The following PIK3C2G variants were observed in gnomAD, a reference collection of about 807,000 sequenced individuals.
PIK3C2G encodes phosphatidylinositol-4-phosphate 3-kinase catalytic subunit type 2 gamma.
A neutral mutation model predicts 181.1 loss-of-function variants in PIK3C2G; 168 were observed. That is an observed-to-expected ratio of 0.93 (90% CI 0.82 to 1.05). PIK3C2G has a LOEUF of 1.05. Among genes scored for constraint, PIK3C2G ranks in the 50% least tolerant of loss-of-function variants. The probability of loss-of-function intolerance (pLI) is 0.00; values close to 1 mark genes in which losing one functional copy is unlikely to be tolerated. For synonymous variants in PIK3C2G, 573 were observed against 592.2 expected (o/e 0.97, Z 0.47); for missense variants, 1,869 against 1,732.8 (o/e 1.08, Z -1.40).
At chr12:18,687,638 T>G in the PIK3C2G span, among the ~76,000 whole-genome samples, 1 of 152,150 alleles carries the variant, frequency 6.6e-6, no homozygotes, top group African/African-American at 2.4e-5. Flanking sequence ...TCAGTAGGCT[T>G]CTATGGCATC....
In PIK3C2G at chr12:18,538,208, G is replaced by A. The variant is rs1313661423; in HGVS notation, c.3376G>A (p.Gly1126Ser). The A allele has an allele frequency of 6.2e-7, 1 of 1,612,032 alleles. No homozygotes were observed. ...AGAGATGGAATACTTTATTACAGAG[G>A]GTGGGAAAAACCCACAGCATTTTCA... is the stretch of plus-strand genomic sequence containing the variant. ...TSEMEYFITE[G>S]GKNPQHFQDF... Residue 1126 changes from glycine (G) to serine (S), a missense_variant, in exon 25 of 33, where the codon GGT becomes AGT. Physicochemically the swap from Gly to Ser is moderately conservative, Grantham distance 56. Transcript: ENST00000538779.
the PIK3C2G span, among the ~76,000 whole-genome samples, chr12:18,695,785 A>C: frequency 6.6e-6 from 1 of 152,164 alleles, no homozygotes; most frequent in Non-Finnish European, 1.5e-5. Context: ...AAGCTCATGT[A>C]AAGTATAAAT....
chr12:18,246,457 A>G (rs1268022181), upstream of PIK3C2G, among the ~76,000 whole-genome samples: 1 of 152,118 alleles, frequency 6.6e-6, no homozygotes, highest in Non-Finnish European at 1.5e-5. Flanking sequence ...TTTAAAAGGT[A>G]GAAAGCACAA....
chr12:18,716,944 CA>C, the PIK3C2G span, among the ~76,000 whole-genome samples: 1 of 151,944 alleles, frequency 6.6e-6, no homozygotes, highest in Non-Finnish European at 1.5e-5. Context: ...TCGAGATACA[CA>C]ATGGTTATAT....
intron 32 of PIK3C2G, among the ~76,000 whole-genome samples, chr12:18,642,442 T>C (rs1355485161): frequency 3.3e-5 from 5 of 152,174 alleles, no homozygotes; most frequent in Non-Finnish European, 7.3e-5. Context: ...TATACTCTTT[T>C]TGTTATCCCA....
chr12:18,684,064 G>A, the PIK3C2G span: 2 of 1,541,294 alleles, frequency 1.3e-6, no homozygotes. Context: ...ATGTCAAAAT[G>A]TGTCTTTGAT....
At chr12:18,546,217 C>CA in intron 25 of PIK3C2G, 106 bp from the exon 26 acceptor site, 3 of 672,390 alleles carry the variant, frequency 4.5e-6, no homozygotes, top group Non-Finnish European at 7.9e-6. Context: ...CATTGCCATG[C>CA]AAACTTGGGT....
At chr12:18,384,169 A>G (rs1009729008) in intron 14 of PIK3C2G, among the ~76,000 whole-genome samples, 3 of 152,046 alleles carry the variant, frequency 2.0e-5, no homozygotes, top group Non-Finnish European at 2.9e-5. Flanking sequence ...TAAGGATCAT[A>G]GGGCCAAAAA....
intron 11 of PIK3C2G, among the ~76,000 whole-genome samples, chr12:18,349,343 T>C (rs1197922033): frequency 6.6e-6 from 1 of 152,162 alleles, no homozygotes; most frequent in Non-Finnish European, 1.5e-5. Flanking sequence ...GACAACTTTC[T>C]AGATGGCTTT....
intron 1 of PIK3C2G, among the ~76,000 whole-genome samples, chr12:18,254,582 C>T (rs1014090158): frequency 3.3e-5 from 5 of 151,950 alleles, no homozygotes; most frequent in Admixed American, 2.0e-4. Context: ...TGGTAGCTCA[C>T]ACCTGTAATC....
the PIK3C2G span, among the ~76,000 whole-genome samples, chr12:18,686,959 A>G: frequency 3.9e-5 from 6 of 152,070 alleles, no homozygotes; most frequent in African/African-American, 1.4e-4. Context: ...CATTGAATAA[A>G]TTAAGTTTCT....
At chr12:18,259,325 A>C (rs1322542639), upstream of PIK3C2G, among the ~76,000 whole-genome samples, 1 of 152,140 alleles carries the variant, frequency 6.6e-6, no homozygotes, top group African/African-American at 2.4e-5. Context: ...GCATGTATGA[A>C]ATATGCAGGT....
intron 13 of PIK3C2G, among the ~76,000 whole-genome samples, chr12:18,380,191 G>T (rs139761766): frequency 6.6e-6 from 1 of 152,220 alleles, no homozygotes; most frequent in East Asian, 1.9e-4. Context: ...GCCTATGTCC[G>T]CCGTGCTTAC....
At chr12:18,541,295 T>C (rs1454450391) in intron 25 of PIK3C2G, among the ~76,000 whole-genome samples, 1 of 151,902 alleles carries the variant, frequency 6.6e-6, no homozygotes, top group Non-Finnish European at 1.5e-5. Context: ...TTGCTTTTTA[T>C]TTACTCCTGA....
chr12:18,691,619 TAG>T, the PIK3C2G span, among the ~76,000 whole-genome samples: 1 of 152,128 alleles, frequency 6.6e-6, no homozygotes, highest in Admixed American at 6.6e-5. Flanking sequence ...GCAATGTGTG[TAG>T]AAATGGAAGG....
intron 24 of PIK3C2G, among the ~76,000 whole-genome samples, chr12:18,510,157 G>A (rs1000791131): frequency 1.3e-5 from 2 of 152,128 alleles, no homozygotes; most frequent in Admixed American, 6.5e-5. Context: ...GTTTTGTAGA[G>A]ATAGGGTCTC....
At chr12:18,615,544 C>T (rs1018617811) in intron 31 of PIK3C2G, among the ~76,000 whole-genome samples, 1 of 151,804 alleles carries the variant, frequency 6.6e-6, no homozygotes, top group Non-Finnish European at 1.5e-5. Flanking sequence ...CATACATGTG[C>T]AAGTGTCTTT....
At chr12:18,490,247 C>T (rs1030965481) in intron 19 of PIK3C2G, among the ~76,000 whole-genome samples, 4 of 152,262 alleles carry the variant, frequency 2.6e-5, no homozygotes, top group Non-Finnish European at 1.5e-5. Context: ...TTTCTCTCTA[C>T]ACTTTGCTCT....
chr12:18,554,673 C>T (rs1944909243), intron 26 of PIK3C2G, among the ~76,000 whole-genome samples: 1 of 152,014 alleles, frequency 6.6e-6, no homozygotes, highest in Admixed American at 6.6e-5. Flanking sequence ...TGTTTGAATA[C>T]TTAGTGCAGT....
Sources: gnomAD v4.1 joint callset for allele counts (sites outside exome capture counted in the v4.1 genomes callset) on GRCh38, gnomAD v4.1.1 for gene constraint, MANE v1.5 for transcripts, NCBI Gene and HGNC (gene_info 2026-07-23, HGNC 2026-07-21) for gene names.